Variants in GDNF observed in about 807,000 individuals in gnomAD.
GDNF encodes glial cell line-derived neurotrophic factor.
A neutral mutation model predicts 13.7 loss-of-function variants in GDNF; 5 were observed. The ratio of observed to expected loss-of-function variants is 0.36; its 90% CI spans 0.19 to 0.77. The LOEUF is 0.77. GDNF is among the 30% of genes least tolerant of loss of function. The pLI is 0.51. For missense variants in GDNF, 246 were observed against 274.3 expected (o/e 0.90, Z 0.73); for synonymous variants, 122 against 112.5 (o/e 1.08, Z -0.53).
intron 2 of GDNF, among the ~76,000 whole-genome samples, chr5:37,830,434 A>G (rs1750482828): frequency 6.6e-6 from 1 of 152,198 alleles, no homozygotes; most frequent in African/African-American, 2.4e-5. Context: ...GGGAAGAGCC[A>G]GGGGCAGCTG....
intron 2 of GDNF, chr5:37,824,447 T>A (rs1283144729): frequency 3.3e-5 from 5 of 152,220 alleles, no homozygotes; most frequent in Non-Finnish European, 5.9e-5. Flanking sequence ...TTGAAGCCAA[T>A]CTCTGGGCTG....
rs898941515 is a variant in GDNF, at chr5:37,814,772, A to T, written c.*879T>A. On this transcript the variant is annotated 3_prime_UTR_variant, in exon 3 of 3. Coordinates refer to ENST00000326524, the MANE Select transcript of GDNF (RefSeq NM_000514.4). ...GTAGCTTCTCTGGTCACTGGTGACC[A>T]CGCATCAACGGAGCTGGTTATGTAA... The T allele has an allele frequency of 6.6e-6, 1 of 152,250 alleles. No individual in the cohort carries two copies. Among genetic ancestry groups the T allele is most frequent in the Non-Finnish European group, 1.5e-5 (1 of 68,038 alleles). 9.4% of individuals were successfully genotyped at this position (152,250 alleles called of 1,614,324 possible). A position where few individuals can be genotyped will look rare whatever the true frequency, so the allele number is the denominator to read the frequency against.
At chr5:37,832,995 A>T (rs1392162119) in intron 2 of GDNF, among the ~76,000 whole-genome samples, 1 of 152,258 alleles carries the variant, frequency 6.6e-6, no homozygotes, top group Non-Finnish European at 1.5e-5. Flanking sequence ...GCTTCTCTTT[A>T]TGGTACAGTT....
chr5:37,816,537 G>A (rs1346869882), intron 2 of GDNF, among the ~76,000 whole-genome samples: 1 of 152,178 alleles, frequency 6.6e-6, no homozygotes, highest in Non-Finnish European at 1.5e-5. Context: ...AAATACCCTG[G>A]ATATTGACTA....
In GDNF at chr5:37,815,522, C is replaced by G. The variant is rs1425912357; in HGVS notation, c.*129G>C. On this transcript the variant is annotated 3_prime_UTR_variant, in exon 3 of 3. Coordinates refer to ENST00000326524, the MANE Select transcript of GDNF (RefSeq NM_000514.4). The surrounding 1 kb of genome is among the most constrained non-coding windows in gnomAD (Gnocchi z 5.0). The stretch of plus-strand genomic sequence containing the variant: ...TCCTCCTCCTCCTCCTCCTCCTCCT[C>G]TTCTTCTTCCTCCTCCTCCGCCTCC... 2.4e-6 allele frequency: 2 copies of G among 842,476 alleles called. No individual in the cohort carries two copies. The highest frequency in any genetic ancestry group is 1.8e-5 in the African/African-American group (1 of 55,872). 52.2% of individuals were successfully genotyped at this position (842,476 alleles called of 1,614,324 possible). A position where few individuals can be genotyped will look rare whatever the true frequency, so the allele number is the denominator to read the frequency against.
intron 2 of GDNF, among the ~76,000 whole-genome samples, chr5:37,833,029 C>A (rs570231023): frequency 6.6e-6 from 1 of 152,176 alleles, no homozygotes; most frequent in Non-Finnish European, 1.5e-5. Flanking sequence ...AGTAACTTGC[C>A]TGAAAGTCAC....
intron 2 of GDNF, among the ~76,000 whole-genome samples, chr5:37,823,712 A>T (rs1020538433): frequency 3.3e-5 from 5 of 152,226 alleles, no homozygotes; most frequent in African/African-American, 1.2e-4. Flanking sequence ...CCCGGATTCC[A>T]GTCTTGGGTC....
rs1205072486 is a variant in GDNF, at chr5:37,838,279, G to T, written c.-27+1228C>A. The stretch of plus-strand genomic sequence containing the variant: ...GACACGGCGGACTTCCCAGAGATCG[G>T]ACACTTGTTACTTGTTGAAAAGGCG... On this transcript the variant is annotated intron_variant, in intron 1 of 2. Coordinates refer to ENST00000326524, the MANE Select transcript of GDNF (RefSeq NM_000514.4). The surrounding 1 kb of genome is among the most constrained non-coding windows in gnomAD (Gnocchi z 4.1). Among the ~76,000 whole-genome samples the T allele has an allele frequency of 6.6e-6, 1 of 152,170 alleles. No individual in the cohort carries two copies. Among genetic ancestry groups the T allele is most frequent in the Non-Finnish European group, 1.5e-5 (1 of 68,022 alleles).
In GDNF at chr5:37,834,803, G is replaced by T; in HGVS notation, c.-7C>A. The T allele has an allele frequency of 1.2e-6, 2 of 1,612,816 alleles. No homozygotes were observed. The highest frequency in any genetic ancestry group is 1.7e-6 in the Non-Finnish European group (2 of 1,179,454). On this transcript the variant is annotated 5_prime_UTR_variant, in exon 2 of 3. Transcript: ENST00000326524. Reference sequence around the variant, plus strand: ...CGACATCCCATAACTTCATCTTAAAGTCCCGTCCGGCGGCGGCACCTGCGC... The same window carrying T: ...CGACATCCCATAACTTCATCTTAAATTCCCGTCCGGCGGCGGCACCTGCGC...
chr5:37,815,916 T>C lies in GDNF; in HGVS notation c.371A>G (p.His124Arg). 6.2e-7 allele frequency: 1 copy of C among 1,614,172 alleles called. No homozygotes were observed. Among genetic ancestry groups the C allele is most frequent in the Non-Finnish European group, 8.5e-7 (1 of 1,180,022 alleles). Residue 124 changes from histidine (H) to arginine (R), a missense_variant, in exon 3 of 3, where the codon CAT (histidine) becomes CGT (arginine). Transcript: ENST00000326524. This position sits in a 1 kb window ranked among gnomAD's most constrained non-coding sequence, Gnocchi z 5.0. ...CAGACCCAAGTCAGTGACATTTAAA[T>C]GTATTGCAGTTAAGACACAACCCCG... Reference protein sequence around the residue: ...KNRGCVLTAIHLNVTDLGLGY... With the variant: ...KNRGCVLTAIRLNVTDLGLGY...
rs1023933873 is a variant in GDNF at position 37,838,937 on chromosome 5, G to T, written c.-27+570C>A. Reference sequence around the variant, plus strand: ...TTGGGGTGGAGGGCGTTAGGAACGTGCAGGCAACCGGGTGAGGAATGTAGC... The same window carrying T: ...TTGGGGTGGAGGGCGTTAGGAACGTTCAGGCAACCGGGTGAGGAATGTAGC... On this transcript the variant is annotated intron_variant, in intron 1 of 2. Coordinates refer to ENST00000326524, the MANE Select transcript of GDNF (RefSeq NM_000514.4). This position sits in a 1 kb window ranked among gnomAD's most constrained non-coding sequence, Gnocchi z 4.1. Among the ~76,000 whole-genome samples, 3 of 152,182 alleles carry T rather than the reference G, an allele frequency of 2.0e-5. No individual in the cohort carries two copies. The highest frequency in any genetic ancestry group is 4.4e-5 in the Non-Finnish European group (3 of 68,028).
chr5:37,820,730 A>G (rs1376915212), intron 2 of GDNF, among the ~76,000 whole-genome samples: 1 of 152,178 alleles, frequency 6.6e-6, no homozygotes, highest in African/African-American at 2.4e-5. Flanking sequence ...TTTGCTGTGA[A>G]CCTAAAACTG....
intron 2 of GDNF, among the ~76,000 whole-genome samples, chr5:37,832,731 G>A (rs3096140): frequency 0.69 from 104,541 of 152,082 alleles, 35,999 homozygotes; most frequent in South Asian, 0.78. Context: ...TTTCTTGGGT[G>A]TTATCAAGCC....
At chr5:37,827,174 C>T (rs1464593792) in intron 2 of GDNF, among the ~76,000 whole-genome samples, 1 of 151,000 alleles carries the variant, frequency 6.6e-6, no homozygotes, top group African/African-American at 2.4e-5. Context: ...ATAAAGATAC[C>T]AGACAGTCAA....
chr5:37,825,890 A>AG (rs1314523914), intron 2 of GDNF, among the ~76,000 whole-genome samples: 6 of 152,238 alleles, frequency 3.9e-5, no homozygotes, highest in African/African-American at 1.4e-4. Flanking sequence ...GTCAGATATG[A>AG]GGAGGGAATT....
intron 2 of GDNF, among the ~76,000 whole-genome samples, chr5:37,821,081 C>T (rs1217170514): frequency 6.6e-6 from 1 of 152,172 alleles, no homozygotes; most frequent in Non-Finnish European, 1.5e-5. Flanking sequence ...TTAGAGCCAG[C>T]CTCAATTTAT....
In GDNF at chr5:37,815,608, A is replaced by T; in HGVS notation, c.*43T>A. Reference sequence around the variant, plus strand: ...TGGGAACCTTGGTCCCTTTCTTTGCACTGTAGCAGGAATGCAATACACAGC... The same window carrying T: ...TGGGAACCTTGGTCCCTTTCTTTGCTCTGTAGCAGGAATGCAATACACAGC... On this transcript the variant is annotated 3_prime_UTR_variant, in exon 3 of 3. Transcript: ENST00000326524. The surrounding 1 kb of genome is among the most constrained non-coding windows in gnomAD (Gnocchi z 5.0). 2 of 1,593,442 alleles carry T rather than the reference A, an allele frequency of 1.3e-6. No homozygotes were observed. The highest frequency in any genetic ancestry group is 1.7e-6 in the Non-Finnish European group (2 of 1,161,726).
intron 2 of GDNF, among the ~76,000 whole-genome samples, chr5:37,821,328 C>T (rs1216934405): frequency 1.3e-5 from 2 of 152,110 alleles, no homozygotes; most frequent in Admixed American, 1.3e-4. Flanking sequence ...GACTTACTGG[C>T]GCATCTCTGT....
chr5:37,834,528 A>C, intron 2 of GDNF, 118 bp downstream of exon 2: 2 of 968,778 alleles, frequency 2.1e-6, no homozygotes, highest in Non-Finnish European at 2.9e-6. Flanking sequence ...CCCCTTGCCC[A>C]CGGGTCGGTA....
Sources: gnomAD v4.1 joint callset for allele counts (sites outside exome capture counted in the v4.1 genomes callset) on GRCh38, gnomAD v4.1.1 for gene constraint, Gnocchi (gnomAD v3.1) non-coding constraint, MANE v1.5 for transcripts, NCBI Gene and HGNC (gene_info 2026-07-23, HGNC 2026-07-21) for gene names.